The following MED12L variants were observed in gnomAD, a reference collection of about 807,000 sequenced individuals.
MED12L encodes mediator complex subunit 12L.
A neutral mutation model predicts 281.3 loss-of-function variants in MED12L; 60 were observed. The observed-to-expected ratio is 0.21, with a 90% CI of 0.17 to 0.26. The LOEUF is 0.26. Among genes scored for constraint, MED12L ranks in the 10% least tolerant of loss-of-function variants. The pLI, the probability that MED12L is intolerant of heterozygous loss-of-function variation, is 1.00. For synonymous variants in MED12L, 974 were observed against 987.2 expected (o/e 0.99, Z 0.25); for missense variants, 2,146 against 2,680.9 (o/e 0.80, Z 4.41).
At chr3:151,144,268 G>GA (rs35793737) in intron 5 of MED12L, among the ~76,000 whole-genome samples, 1,594 of 151,042 alleles carry the variant, frequency 0.011, 16 homozygotes, top group Admixed American at 0.031. Context: ...ACAACTGGGG[G>GA]AAAAAAAAAT....
At chr3:151,365,635 G>A (rs1755182205) in intron 22 of MED12L, among the ~76,000 whole-genome samples, 1 of 150,104 alleles carries the variant, frequency 6.7e-6, no homozygotes, top group African/African-American at 2.4e-5. Flanking sequence ...ACTGATTATT[G>A]TTTGTTGCTT....
chr3:151,204,573 TAAG>T (rs1726098892), intron 16 of MED12L, among the ~76,000 whole-genome samples: 1 of 152,208 alleles, frequency 6.6e-6, no homozygotes, highest in Non-Finnish European at 1.5e-5. Context: ...ATCTTTCTTT[TAAG>T]ATATGTATGC....
At chr3:151,167,090 T>A (rs1371865541) in intron 11 of MED12L, among the ~76,000 whole-genome samples, 1 of 152,204 alleles carries the variant, frequency 6.6e-6, no homozygotes, top group Admixed American at 6.5e-5. Flanking sequence ...CTTAAAAAAA[T>A]CTTTTTAGCA....
At chr3:151,154,575 T>C (rs1417303624) in intron 5 of MED12L, among the ~76,000 whole-genome samples, 1 of 152,218 alleles carries the variant, frequency 6.6e-6, no homozygotes, top group Admixed American at 6.5e-5. Context: ...GTGTTATTAA[T>C]ATTTTTAGCT....
chr3:151,333,700 C>T lies in MED12L; in HGVS notation c.2251-16359C>T, dbSNP rs78393237. Among the ~76,000 whole-genome samples, 59 of 152,234 alleles carry T rather than the reference C, an allele frequency of 3.9e-4. No individual in the cohort carries two copies. In the East Asian group the frequency reaches 0.011, roughly 29 times the overall value. On this transcript the variant is annotated intron_variant, in intron 16 of 44. Coordinates refer to ENST00000687756, the MANE Select transcript of MED12L (RefSeq NM_001393769.1). ...AAGAAGGATTATTGGTTCAGTCCTT[C>T]TAGGAAAAAGTTATTTGTCAAAATG...
intron 42 of MED12L, 65 bp downstream of exon 42, chr3:151,413,360 T>TA (rs913774399): frequency 6.6e-7 from 1 of 1,524,864 alleles, no homozygotes; most frequent in Non-Finnish European, 8.9e-7. Context: ...GCAACAGTCA[T>TA]AAAAAATGAA....
chr3:151,210,581 T>C (rs906119671), intron 16 of MED12L, among the ~76,000 whole-genome samples: 47 of 152,264 alleles, frequency 3.1e-4, no homozygotes, highest in African/African-American at 9.2e-4. Context: ...GAATCACTTA[T>C]GCATCAAAAT....
intron 11 of MED12L, among the ~76,000 whole-genome samples, chr3:151,182,704 G>C (rs1228315618): frequency 6.6e-6 from 1 of 152,186 alleles, no homozygotes; most frequent in Non-Finnish European, 1.5e-5. Flanking sequence ...TTTCTGGCCT[G>C]AATGGTGATG....
chr3:151,351,762 A>G (rs968972484), intron 17 of MED12L, among the ~76,000 whole-genome samples: 8 of 152,268 alleles, frequency 5.3e-5, no homozygotes, highest in African/African-American at 9.6e-5. Context: ...TCCAGAGCCT[A>G]TGGAACTTTT....
intron 5 of MED12L, among the ~76,000 whole-genome samples, chr3:151,144,233 T>C (rs994313763): frequency 3.3e-5 from 5 of 152,052 alleles, no homozygotes; most frequent in Non-Finnish European, 5.9e-5. Context: ...TTGAGATGCA[T>C]GTACAGGGTT....
chr3:151,160,244 T>C (rs2148954548), intron 8 of MED12L, 143 bp downstream of exon 8: 1 of 776,016 alleles, frequency 1.3e-6, no homozygotes, highest in South Asian at 2.0e-5. Flanking sequence ...TGAAATTTTA[T>C]GTTTTTATTT....
chr3:151,299,356 C>CTTTTCTTTTCTTTTCTTTTCT lies in MED12L; in HGVS notation c.2251-50700_2251-50699insTCTTTTCTTTTCTTTTCTTTT, dbSNP rs762843885. ...TCCTTCTTTCTTTCCTTCCTTCCTT[C>CTTTTCTTTTCTTTTCTTTTCT]TTTCTTTTCTTTTCTTTTCTTTTCT... On this transcript the variant is annotated intron_variant, in intron 16 of 44. Coordinates refer to ENST00000687756, the MANE Select transcript of MED12L (RefSeq NM_001393769.1). Among the ~76,000 whole-genome samples the CTTTTCTTTTCTTTTCTTTTCT allele has an allele frequency of 2.2e-3, 204 of 94,408 alleles. 1 individual carries two copies. The highest frequency in any genetic ancestry group is 5.7e-3 in the African/African-American group (143 of 24,902). The allele number at this position is 94,408 out of a possible 152,430, so 61.9% of individuals were successfully genotyped here. A position where few individuals can be genotyped will look rare whatever the true frequency, so the allele number is the denominator to read the frequency against.
chr3:151,271,164 C>T (rs1308252561), intron 16 of MED12L, among the ~76,000 whole-genome samples: 1 of 151,918 alleles, frequency 6.6e-6, no homozygotes, highest in Non-Finnish European at 1.5e-5. Flanking sequence ...TTTCATTACT[C>T]TATAATAAAA....
At chr3:151,268,437 G>T (rs933051841) in intron 16 of MED12L, among the ~76,000 whole-genome samples, 11 of 152,162 alleles carry the variant, frequency 7.2e-5, no homozygotes, top group Non-Finnish European at 1.2e-4. Flanking sequence ...ACTGCTATTT[G>T]TACAGAAATG....
chr3:151,249,007 T>C (rs780442718), intron 16 of MED12L: 6 of 152,218 alleles, frequency 3.9e-5, no homozygotes, highest in Non-Finnish European at 1.5e-5. Context: ...AGCTTTCAAA[T>C]CAAAACATTT....
intron 16 of MED12L, among the ~76,000 whole-genome samples, chr3:151,239,997 T>G (rs1377218100): frequency 6.6e-6 from 1 of 151,904 alleles, no homozygotes. Flanking sequence ...CCACCAGATG[T>G]GTGAATCAAA....
intron 39 of MED12L, among the ~76,000 whole-genome samples, chr3:151,407,766 A>G (rs954829333): frequency 2.6e-5 from 4 of 152,234 alleles, no homozygotes; most frequent in Admixed American, 6.5e-5. Context: ...TCTTGTATGT[A>G]TAAATACCCT....
chr3:151,374,211 C>T (rs1200572813), intron 27 of MED12L, among the ~76,000 whole-genome samples: 1 of 143,480 alleles, frequency 7.0e-6, no homozygotes, highest in African/African-American at 2.7e-5. Flanking sequence ...ATGTGCTATC[C>T]AGCGCTTTGT....
rs113541400 is a variant in MED12L at position 151,337,973 on chromosome 3, T to C, written c.2251-12086T>C. The C allele has an allele frequency of 4.3e-5, 70 of 1,613,982 alleles. No homozygotes were observed. The highest frequency in any genetic ancestry group is 8.3e-5 in the Admixed American group (5 of 59,980). On this transcript the variant is annotated intron_variant, in intron 16 of 44. Transcript: ENST00000687756. ...AAAAATAGATGAACGGATCCAGGCA[T>C]GCATTTAAGGAAGTTAACCACAGAG...
Sources: allele counts gnomAD v4.1 joint callset (sites outside exome capture counted in the v4.1 genomes callset), GRCh38; gene constraint gnomAD v4.1.1; transcripts MANE v1.5; gene names NCBI Gene and HGNC (gene_info 2026-07-23, HGNC 2026-07-21).